The following THADA variants were observed in gnomAD, a reference collection of about 807,000 sequenced individuals.
The protein encoded by THADA is tRNA (32-2'-O)-methyltransferase regulator THADA.
THADA carries 213 observed loss-of-function variants against 219.8 expected under a neutral mutation model. The ratio of observed to expected loss-of-function variants is 0.97; its 90% CI spans 0.87 to 1.09. THADA has a LOEUF of 1.09. Among genes scored for constraint, THADA ranks in the 50% least tolerant of loss-of-function variants. THADA has a pLI of 0.00. For missense variants in THADA, 2,956 were observed against 2,311.3 expected, an observed-to-expected ratio of 1.28 and a Z score of -5.72; for synonymous variants, 1,018 against 828.9, an observed-to-expected ratio of 1.23 and a Z score of -3.92.
intron 11 of THADA, among the ~76,000 whole-genome samples, chr2:43,573,737 A>C (rs1699542778): frequency 6.6e-6 from 1 of 152,224 alleles, no homozygotes; most frequent in African/African-American, 2.4e-5. Context: ...TTTGTTAAAC[A>C]GAATGTAATA....
chr2:43,448,738 T>G (rs752279029), intron 26 of THADA, among the ~76,000 whole-genome samples: 1 of 151,836 alleles, frequency 6.6e-6, no homozygotes, highest in Non-Finnish European at 1.5e-5. Flanking sequence ...GAGAAAAACT[T>G]AAGCTTACAC....
chr2:43,529,367 C>G (rs1386533891), intron 21 of THADA, among the ~76,000 whole-genome samples: 1 of 152,064 alleles, frequency 6.6e-6, no homozygotes, highest in Non-Finnish European at 1.5e-5. Context: ...CAGGGTCTTG[C>G]TATGTTGCCT....
At position 43,445,916 on chromosome 2, in the gene THADA, C is replaced by T. The variant is rs540178416; in HGVS notation, c.3837-15614G>A. Among the ~76,000 whole-genome samples, 32 of 152,280 alleles carry T rather than the reference C, an allele frequency of 2.1e-4. 1 individual carries two copies. In the South Asian group the frequency reaches 6.4e-3, roughly 31 times the overall value. On this transcript the variant is annotated intron_variant, in intron 26 of 37. Coordinates refer to ENST00000405975, the MANE Select transcript of THADA (RefSeq NM_022065.5). ...GAGAATTCCCAAATCACTAAACTGC[C>T]TATTACAATACTATCCTGAGACAGG...
intron 23 of THADA, among the ~76,000 whole-genome samples, chr2:43,508,032 G>C (rs1689918871): frequency 6.6e-6 from 1 of 152,062 alleles, no homozygotes; most frequent in Admixed American, 6.6e-5. Flanking sequence ...GGCTGCCTGG[G>C]CTCAAGTCTT....
At chr2:43,537,904 C>T in intron 21 of THADA, among the ~76,000 whole-genome samples, 1 of 146,936 alleles carries the variant, frequency 6.8e-6, no homozygotes. Flanking sequence ...GGAACCACAG[C>T]ACTCTAGCTT....
chr2:43,241,932 G>A (rs1481621335), intron 36 of THADA, among the ~76,000 whole-genome samples: 2 of 152,188 alleles, frequency 1.3e-5, no homozygotes, highest in Non-Finnish European at 2.9e-5. Context: ...CCTCATCTCA[G>A]TGGTCTCCCC....
At chr2:43,241,972 C>T (rs924696399) in intron 36 of THADA, among the ~76,000 whole-genome samples, 2 of 152,218 alleles carry the variant, frequency 1.3e-5, no homozygotes, top group African/African-American at 4.8e-5. Flanking sequence ...CCCCCTCCCT[C>T]CAACTCTCTT....
At chr2:43,485,777 C>G (rs1391851920) in intron 25 of THADA, among the ~76,000 whole-genome samples, 1 of 152,144 alleles carries the variant, frequency 6.6e-6, no homozygotes, top group South Asian at 2.1e-4. Context: ...CACCTGTAAT[C>G]CCAGCTACTT....
chr2:43,471,546 G>T (rs998099596), intron 26 of THADA, among the ~76,000 whole-genome samples: 2 of 152,016 alleles, frequency 1.3e-5, no homozygotes, highest in Non-Finnish European at 2.9e-5. Context: ...GCAAAATAAA[G>T]TAATATAAAG....
At position 43,234,342 on chromosome 2, in the gene THADA, G is replaced by A. The variant is rs1330928600; in HGVS notation, c.5297-1460C>T. ...GTCACACAGCAGCACCTAGTTGCAT[G>A]TAAGCAGGTGAAAGTACTGATCTCA... On this transcript the variant is annotated intron_variant, in intron 36 of 37. Transcript: ENST00000405975. Among the ~76,000 whole-genome samples the A allele has an allele frequency of 2.0e-5, 3 of 152,340 alleles. No individual in the cohort carries two copies. In the East Asian group the frequency reaches 5.8e-4, roughly 29 times the overall value.
chr2:43,373,106 C>A (rs1173184122), intron 29 of THADA, among the ~76,000 whole-genome samples: 2 of 152,180 alleles, frequency 1.3e-5, no homozygotes, highest in East Asian at 1.9e-4. Context: ...ATCACCATCA[C>A]ACCCTTTGAA....
chr2:43,326,368 T>G (rs556536087), intron 30 of THADA, among the ~76,000 whole-genome samples: 12 of 152,144 alleles, frequency 7.9e-5, no homozygotes, highest in African/African-American at 2.7e-4. Flanking sequence ...ACAGAGGAAG[T>G]AGCATGTCCA....
intron 29 of THADA, among the ~76,000 whole-genome samples, chr2:43,358,842 C>T (rs1171982055): frequency 6.6e-6 from 1 of 152,074 alleles, no homozygotes; most frequent in Non-Finnish European, 1.5e-5. Flanking sequence ...ATTTTTTTCC[C>T]CTCTTTCGGT....
At chr2:43,354,452 G>C (rs1202832820) in intron 29 of THADA, among the ~76,000 whole-genome samples, 2 of 151,030 alleles carry the variant, frequency 1.3e-5, no homozygotes, top group African/African-American at 4.9e-5. Context: ...TCACATACTA[G>C]ATATTATTCA....
chr2:43,580,806 G>A lies in THADA; in HGVS notation c.721+935C>T, dbSNP rs1026839812. ...GAGGCAAGAAAATCGCTTGAATCTG[G>A]GAGGCAGAGGTTGCAGTGAGCCAAG... is the stretch of plus-strand genomic sequence containing the variant. On this transcript the variant is annotated intron_variant, in intron 8 of 37. Transcript: ENST00000405975. Among the ~76,000 whole-genome samples the A allele has an allele frequency of 2.6e-5, 4 of 151,954 alleles. No homozygotes were observed. The South Asian group carries it at 8.3e-4, about 31-fold the overall frequency.
chr2:43,464,972 G>A (rs1293351669), intron 26 of THADA, among the ~76,000 whole-genome samples: 5 of 152,004 alleles, frequency 3.3e-5, no homozygotes, highest in South Asian at 2.1e-4. Context: ...AAACCCTGCC[G>A]GCAAAGACCC....
intron 14 of THADA, among the ~76,000 whole-genome samples, chr2:43,568,649 C>G (rs1698948597): frequency 6.6e-6 from 1 of 152,128 alleles, no homozygotes; most frequent in Non-Finnish European, 1.5e-5. Flanking sequence ...CATTTTACCC[C>G]TTGCAAAAAG....
chr2:43,383,463 T>C (rs1221935051), intron 29 of THADA, among the ~76,000 whole-genome samples: 1 of 152,124 alleles, frequency 6.6e-6, no homozygotes, highest in Non-Finnish European at 1.5e-5. Flanking sequence ...ATCACACCCA[T>C]CTCCCTGTTG....
chr2:43,369,051 T>A (rs1390313666), intron 29 of THADA, among the ~76,000 whole-genome samples: 2 of 152,238 alleles, frequency 1.3e-5, no homozygotes, highest in African/African-American at 4.8e-5. Context: ...TCATAAGATG[T>A]ATCACGTGCA....
Sources: allele counts gnomAD v4.1 joint callset (sites outside exome capture counted in the v4.1 genomes callset), GRCh38; gene constraint gnomAD v4.1.1; transcripts MANE v1.5; gene names NCBI Gene and HGNC (gene_info 2026-07-23, HGNC 2026-07-21).